The following TTLL5 variants were observed in gnomAD, a reference collection of about 807,000 sequenced individuals.
TTLL5 encodes the protein tubulin tyrosine ligase like 5, also known as tubulin polyglutamylase TTLL5.
In TTLL5, 132 loss-of-function variants were observed where a neutral mutation model predicts 168.4. That is an observed-to-expected ratio of 0.78 (90% CI 0.68 to 0.91). The LOEUF (loss-of-function observed/expected upper bound fraction) is 0.91, where lower values mean the gene tolerates loss of function less well. Among genes scored for constraint, TTLL5 ranks in the 40% least tolerant of loss-of-function variants. The pLI, the probability that TTLL5 is intolerant of heterozygous loss-of-function variation, is 0.00. For synonymous variants in TTLL5, 546 were observed against 558.6 expected, an observed-to-expected ratio of 0.98 and a Z score of 0.32; for missense variants, 1,545 against 1,581.5, an observed-to-expected ratio of 0.98 and a Z score of 0.39.
At chr14:75,916,839 A>AAT (rs1383662086) in intron 31 of TTLL5, among the ~76,000 whole-genome samples, 1 of 152,196 alleles carries the variant, frequency 6.6e-6, no homozygotes, top group East Asian at 1.9e-4. Flanking sequence ...TATTCAGTGA[A>AAT]ATACTATTCA....
intron 26 of TTLL5, 139 bp downstream of exon 26, chr14:75,783,669 T>G: frequency 8.2e-7 from 1 of 1,220,302 alleles, no homozygotes; most frequent in Non-Finnish European, 1.1e-6. Context: ...CTGACGTGAC[T>G]AAAGAAGACT....
chr14:75,810,326 A>G (rs1893917497), intron 27 of TTLL5, among the ~76,000 whole-genome samples: 1 of 151,910 alleles, frequency 6.6e-6, no homozygotes, highest in African/African-American at 2.4e-5. Context: ...GCTCTTATTA[A>G]CTAAATCATC....
At chr14:75,705,135 GAT>G (rs1886561111) in intron 7 of TTLL5, among the ~76,000 whole-genome samples, 7 of 152,230 alleles carry the variant, frequency 4.6e-5, no homozygotes, top group Admixed American at 4.6e-4. Context: ...ACGAGAAGCT[GAT>G]CAAGAAATGT....
chr14:75,797,254 A>T (rs1893044235), intron 27 of TTLL5, among the ~76,000 whole-genome samples: 1 of 152,040 alleles, frequency 6.6e-6, no homozygotes, highest in African/African-American at 2.4e-5. Context: ...AGTGCTACTG[A>T]TTTGTGTACA....
chr14:75,869,819 G>GTATTTTTTTTTTT (rs2030862218), intron 29 of TTLL5, among the ~76,000 whole-genome samples: 1 of 18,442 alleles, frequency 5.4e-5, no homozygotes, highest in Admixed American at 5.5e-4. Context: ...CATTCAACAA[G>GTATTTTTTTTTTT]TATTTTTTTT....
rs1231751355 is a variant in TTLL5 at position 75,863,832 on chromosome 14, G to A, written c.3492G>A (p.Gln1164=). 2.6e-6 allele frequency: 4 copies of A among 1,557,540 alleles called. No individual in the cohort carries two copies. Among genetic ancestry groups the A allele is most frequent in the African/African-American group, 1.4e-5 (1 of 69,690 alleles). The change falls in exon 29 of 32, where the codon CAG becomes CAA. Residue 1164 remains glutamine (Q), a synonymous_variant. Transcript: ENST00000298832. ...AACAACAAAAACTTCAGTCCCGGCA[G>A]CTCCTGGACCAGAGTCGAGCCCGGC... is the stretch of plus-strand genomic sequence containing the variant. ...QLEQQKLQSR[Q]LLDQSRARHQ...
At chr14:75,858,087 A>G (rs1897225029) in intron 28 of TTLL5, among the ~76,000 whole-genome samples, 1 of 152,194 alleles carries the variant, frequency 6.6e-6, no homozygotes, top group African/African-American at 2.4e-5. Context: ...TCAAAGTGCT[A>G]TTATTGGACC....
chr14:75,857,095 G>C (rs921533286), intron 28 of TTLL5, among the ~76,000 whole-genome samples: 2 of 152,132 alleles, frequency 1.3e-5, no homozygotes, highest in Non-Finnish European at 2.9e-5. Context: ...ACAATCATCT[G>C]TCAATGAATA....
intron 26 of TTLL5, among the ~76,000 whole-genome samples, chr14:75,791,063 G>A (rs569914572): frequency 1.5e-3 from 198 of 131,492 alleles, no homozygotes; most frequent in African/African-American, 5.4e-3. Context: ...CCAAGATCGC[G>A]CCACTGCGCT....
At chr14:75,875,957 G>T (rs1488887972) in intron 29 of TTLL5, among the ~76,000 whole-genome samples, 1 of 152,232 alleles carries the variant, frequency 6.6e-6, no homozygotes, top group African/African-American at 2.4e-5. Flanking sequence ...ACATCAGTCT[G>T]CCAACCTTTT....
At chr14:75,885,489 A>G (rs1292715529) in intron 30 of TTLL5, among the ~76,000 whole-genome samples, 1 of 152,208 alleles carries the variant, frequency 6.6e-6, no homozygotes, top group African/African-American at 2.4e-5. Context: ...GAGATCAGAG[A>G]GTTCTCACGT....
intron 6 of TTLL5, among the ~76,000 whole-genome samples, chr14:75,694,787 A>T (rs2140145076): frequency 6.6e-6 from 1 of 152,362 alleles, no homozygotes; most frequent in African/African-American, 2.4e-5. Context: ...GTCTCTGAAC[A>T]TAAATTGTGA....
intron 23 of TTLL5, among the ~76,000 whole-genome samples, chr14:75,778,746 A>G (rs1030583722): frequency 6.6e-6 from 1 of 152,196 alleles, no homozygotes; most frequent in Non-Finnish European, 1.5e-5. Context: ...ACAGATGTTA[A>G]AGTCCATGTG....
At chr14:75,783,596 G>A in intron 26 of TTLL5, 66 bp downstream of exon 26, 1 of 1,556,418 alleles carries the variant, frequency 6.4e-7, no homozygotes, top group Non-Finnish European at 8.7e-7. Flanking sequence ...AAGAAAGGAT[G>A]TCATCTCTTC....
intron 30 of TTLL5, among the ~76,000 whole-genome samples, chr14:75,896,715 T>A (rs1022185844): frequency 1.3e-5 from 2 of 152,008 alleles, no homozygotes; most frequent in African/African-American, 4.8e-5. Context: ...AGAAAGCATA[T>A]CGCTTTCAGA....
At chr14:75,932,483 A>G (rs1369680061) in intron 31 of TTLL5, among the ~76,000 whole-genome samples, 1 of 152,202 alleles carries the variant, frequency 6.6e-6, no homozygotes, top group Non-Finnish European at 1.5e-5. Flanking sequence ...TCTACTTCTC[A>G]TTCATCCCAA....
intron 28 of TTLL5, chr14:75,847,535 A>G (rs1393632747): frequency 6.6e-6 from 1 of 152,090 alleles, no homozygotes; most frequent in Admixed American, 6.5e-5. Context: ...ATTAATGTTT[A>G]CTATGTATAC....
intron 17 of TTLL5, among the ~76,000 whole-genome samples, chr14:75,750,003 A>AT (rs1889850460): frequency 6.6e-6 from 1 of 152,074 alleles, no homozygotes; most frequent in African/African-American, 2.4e-5. Flanking sequence ...GCTTTTTGTA[A>AT]TTTTAATGTA....
intron 28 of TTLL5, among the ~76,000 whole-genome samples, chr14:75,832,323 A>G (rs1210028896): frequency 6.6e-6 from 1 of 152,204 alleles, no homozygotes; most frequent in African/African-American, 2.4e-5. Flanking sequence ...CCTTTCTCCT[A>G]TCCAGTCTAC....
Sources: gnomAD v4.1 joint callset for allele counts (sites outside exome capture counted in the v4.1 genomes callset) on GRCh38, gnomAD v4.1.1 for gene constraint, MANE v1.5 for transcripts, NCBI Gene and HGNC (gene_info 2026-07-23, HGNC 2026-07-21) for gene names.